SYT16: variants seen among roughly 807,000 people sequenced by gnomAD.
SYT16 encodes the protein synaptotagmin-16.
A neutral mutation model predicts 61.4 loss-of-function variants in SYT16; 42 were observed. The ratio of observed to expected loss-of-function variants is 0.68; its 90% CI spans 0.53 to 0.89. The LOEUF (loss-of-function observed/expected upper bound fraction) is 0.89. SYT16 is among the 40% of genes least tolerant of loss of function. The pLI is 0.00. For synonymous variants in SYT16, 314 were observed against 302.3 expected, an observed-to-expected ratio of 1.04 and a Z score of -0.40; for missense variants, 804 against 807.3, an observed-to-expected ratio of 1.00 and a Z score of 0.05.
chr14:61,895,897 TCTC>T (rs1215262608), intron 1 of SYT16, among the ~76,000 whole-genome samples: 1 of 152,196 alleles, frequency 6.6e-6, no homozygotes, highest in African/African-American at 2.4e-5. Flanking sequence ...TATGATCACT[TCTC>T]CTCAGAGGAT....
At chr14:61,834,908 T>C (rs2046076267) in intron 1 of SYT16, among the ~76,000 whole-genome samples, 1 of 152,244 alleles carries the variant, frequency 6.6e-6, no homozygotes, top group South Asian at 2.1e-4. Context: ...TGATGGTATA[T>C]AGCATAGCAT....
At chr14:61,975,535 G>T (rs1387975023) in intron 2 of SYT16, among the ~76,000 whole-genome samples, 2 of 152,154 alleles carry the variant, frequency 1.3e-5, no homozygotes, top group African/African-American at 4.8e-5. Context: ...TTCTTCACAA[G>T]GCAGCTGGAA....
intron 1 of SYT16, among the ~76,000 whole-genome samples, chr14:61,919,957 C>T (rs1173307228): frequency 6.2e-5 from 6 of 96,240 alleles, no homozygotes; most frequent in Non-Finnish European, 1.3e-4. Flanking sequence ...CACATTTTAT[C>T]ACACTCTGTT....
chr14:61,816,736 G>A (rs1258132686), intron 1 of SYT16, among the ~76,000 whole-genome samples: 1 of 152,182 alleles, frequency 6.6e-6, no homozygotes, highest in Non-Finnish European at 1.5e-5. Flanking sequence ...TCTTGGCCGG[G>A]CGCGGTGGCT....
chr14:62,024,539 C>T (rs978334111), intron 3 of SYT16, among the ~76,000 whole-genome samples: 3 of 151,932 alleles, frequency 2.0e-5, no homozygotes, highest in Admixed American at 6.6e-5. Flanking sequence ...TGCATAGTTC[C>T]CATACACCCT....
chr14:61,830,124 C>T (rs925050347), intron 1 of SYT16, among the ~76,000 whole-genome samples: 20 of 151,858 alleles, frequency 1.3e-4, no homozygotes, highest in East Asian at 1.9e-4. Context: ...CTGGTTTTTC[C>T]GTTTGTTTGA....
chr14:62,016,245 A>G (rs1296141316), intron 3 of SYT16, among the ~76,000 whole-genome samples: 2 of 152,176 alleles, frequency 1.3e-5, no homozygotes, highest in African/African-American at 4.8e-5. Context: ...CATTTTCACA[A>G]GAGGTGTCCT....
chr14:61,943,416 T>C (rs1466586399), intron 1 of SYT16, among the ~76,000 whole-genome samples: 2 of 152,164 alleles, frequency 1.3e-5, no homozygotes, highest in African/African-American at 2.4e-5. Context: ...AAAACCTGGC[T>C]GAGATAAAAC....
chr14:61,999,113 A>G (rs973332954), intron 3 of SYT16, among the ~76,000 whole-genome samples: 1 of 151,418 alleles, frequency 6.6e-6, no homozygotes, highest in Non-Finnish European at 1.5e-5. Flanking sequence ...TTTTCTTGCA[A>G]TATCTTTGGT....
chr14:61,949,543 A>G (rs534401468), intron 1 of SYT16, among the ~76,000 whole-genome samples: 6 of 152,016 alleles, frequency 3.9e-5, no homozygotes, highest in Non-Finnish European at 8.8e-5. Context: ...AAAGCCTTCA[A>G]CTCCTGGGCT....
intron 1 of SYT16, among the ~76,000 whole-genome samples, chr14:61,958,973 A>G (rs552458041): frequency 7.2e-5 from 11 of 152,048 alleles, no homozygotes; most frequent in African/African-American, 1.4e-4. Flanking sequence ...AGATCCCTGT[A>G]GAATTGACCC....
At chr14:61,923,796 T>A (rs779809853) in intron 1 of SYT16, among the ~76,000 whole-genome samples, 12 of 152,186 alleles carry the variant, frequency 7.9e-5, no homozygotes, top group Non-Finnish European at 2.9e-5. Flanking sequence ...TTGAAAATCA[T>A]GCTGTCATGT....
rs531843934 is a variant in SYT16, at chr14:62,059,692, GTA to G, written c.524-9902_524-9901del. Among the ~76,000 whole-genome samples, 479 of 145,200 alleles carry G rather than the reference GTA, an allele frequency of 3.3e-3. 2 individuals carry two copies. Among genetic ancestry groups the G allele is most frequent in the African/African-American group, 0.01 (404 of 39,732 alleles). ...ATACATATATATAATTTATATATATGTATATATATACATATAATTTTTATATA... is the reference window on the plus strand; with the variant it reads ...ATACATATATATAATTTATATATATGTATATATACATATAATTTTTATATA... On this transcript the variant is annotated intron_variant, in intron 3 of 7. Transcript: ENST00000683842.
chr14:61,913,918 C>T (rs1421576906), intron 1 of SYT16, among the ~76,000 whole-genome samples: 1 of 152,112 alleles, frequency 6.6e-6, no homozygotes, highest in African/African-American at 2.4e-5. Context: ...AATGCACACA[C>T]TATTAGAGAA....
intron 4 of SYT16, among the ~76,000 whole-genome samples, chr14:62,070,239 C>T (rs537043130): frequency 3.9e-5 from 6 of 152,248 alleles, no homozygotes; most frequent in Admixed American, 6.5e-5. Flanking sequence ...TGTATAACTC[C>T]GGAAGATATT....
chr14:61,956,477 G>T (rs1025050736), intron 1 of SYT16, among the ~76,000 whole-genome samples: 1 of 152,018 alleles, frequency 6.6e-6, no homozygotes, highest in African/African-American at 2.4e-5. Flanking sequence ...GTTGATTTTT[G>T]TGTGTGGTAT....
intron 3 of SYT16, among the ~76,000 whole-genome samples, chr14:62,060,890 A>G (rs1373036099): frequency 5.9e-5 from 9 of 152,052 alleles, no homozygotes; most frequent in Non-Finnish European, 1.3e-4. Flanking sequence ...AGAGTTGTGT[A>G]GAGATTGGTA....
chr14:61,999,751 T>A (rs2052917647), intron 3 of SYT16, among the ~76,000 whole-genome samples: 2 of 151,936 alleles, frequency 1.3e-5, no homozygotes, highest in Non-Finnish European at 2.9e-5. Flanking sequence ...TGTATTTTGT[T>A]TTTATTTTCA....
intron 3 of SYT16, among the ~76,000 whole-genome samples, chr14:62,036,227 A>G (rs1208615581): frequency 1.3e-5 from 2 of 152,158 alleles, no homozygotes; most frequent in African/African-American, 4.8e-5. Context: ...AATGAGTTAA[A>G]GTTGGAAATG....
Sources: allele counts gnomAD v4.1 joint callset (sites outside exome capture counted in the v4.1 genomes callset), GRCh38; gene constraint gnomAD v4.1.1; transcripts MANE v1.5; gene names NCBI Gene and HGNC (gene_info 2026-07-23, HGNC 2026-07-21).